PPL: variants seen among roughly 807,000 people sequenced by gnomAD.
PPL encodes periplakin, also known as 190 kDa paraneoplastic pemphigus antigen.
A neutral mutation model predicts 194.4 loss-of-function variants in PPL; 198 were observed. That is an observed-to-expected ratio of 1.02 (90% CI 0.91 to 1.15). The LOEUF (loss-of-function observed/expected upper bound fraction) is 1.15, where lower values mean the gene tolerates loss of function less well. Ranked by LOEUF, PPL falls within the 50% of genes most tolerant of loss-of-function variation. The pLI is 0.00. For synonymous variants in PPL, 1,220 were observed against 972.4 expected, an observed-to-expected ratio of 1.25 and a Z score of -4.74; for missense variants, 2,885 against 2,294.8, an observed-to-expected ratio of 1.26 and a Z score of -5.25.
At chr16:4,912,533 T>C (rs1244271720) in intron 1 of PPL, among the ~76,000 whole-genome samples, 1 of 152,278 alleles carries the variant, frequency 6.6e-6, no homozygotes, top group Non-Finnish European at 1.5e-5. Context: ...AGCTTTTGTG[T>C]GAGCAGTCTT....
rs1046195143 is a variant in PPL, at chr16:4,902,976, A to T, written c.318-450T>A. On this transcript the variant is annotated intron_variant, in intron 3 of 21. Transcript: ENST00000345988. This position sits in a 1 kb window ranked among gnomAD's most constrained non-coding sequence, Gnocchi z 4.0. ...AGTGCTGGGATCACAGGCGTGAGCC[A>T]CCGTGCCTGGCCCCACCCACTTTCC... Among the ~76,000 whole-genome samples, 5 of 152,106 alleles carry T rather than the reference A, an allele frequency of 3.3e-5. No individual in the cohort carries two copies. Among genetic ancestry groups the T allele is most frequent in the African/African-American group, 1.2e-4 (5 of 41,424 alleles).
intron 9 of PPL, among the ~76,000 whole-genome samples, chr16:4,896,143 C>G (rs2088422947): frequency 6.6e-6 from 1 of 152,112 alleles, no homozygotes; most frequent in South Asian, 2.1e-4. Context: ...ACTCTTGGTT[C>G]ACTGTCAGCT....
intron 1 of PPL, among the ~76,000 whole-genome samples, chr16:4,936,596 C>T (rs2089301631): frequency 6.6e-6 from 1 of 152,204 alleles, no homozygotes; most frequent in Non-Finnish European, 1.5e-5. Flanking sequence ...GCCCGGTCCT[C>T]CAAAAACTCC....
At chr16:4,920,371 G>GGAAGAAAGAAAGAAAGAAAGAAAGAAA (rs1555523899) in intron 1 of PPL, among the ~76,000 whole-genome samples, 1 of 94,230 alleles carries the variant, frequency 1.1e-5, no homozygotes, top group Non-Finnish European at 2.4e-5. Flanking sequence ...AAGAAAGAAA[G>GGAAGAAAGAAAGAAAGAAAGAAAGAAA]GACACCTCGG....
At chr16:4,908,634 C>T (rs1285718369) in intron 2 of PPL, among the ~76,000 whole-genome samples, 1 of 152,140 alleles carries the variant, frequency 6.6e-6, no homozygotes, top group Non-Finnish European at 1.5e-5. Context: ...ACCTTCCGGG[C>T]TTAAGCGAGC....
chr16:4,884,523 C>T lies in PPL; in HGVS notation c.4132G>A (p.Glu1378Lys), dbSNP rs745650529. The change falls in exon 22 of 22, where the codon GAG becomes AAG. Residue 1378 changes from glutamate (E) to lysine (K), a missense_variant. Physicochemically the swap from Glu to Lys is moderately conservative, Grantham distance 56 (BLOSUM62 1). Transcript: ENST00000345988. This position sits in a 1 kb window ranked among gnomAD's most constrained non-coding sequence, Gnocchi z 5.7. ...ASAFAESIDV[E>K]LRQIDKLRAE... ...CGCAGCTTGTCAATCTGCCGCAGCTCCACATCGATGCTCTCGGCAAAGGCG... is the reference window on the plus strand; with the variant it reads ...CGCAGCTTGTCAATCTGCCGCAGCTTCACATCGATGCTCTCGGCAAAGGCG... 6 of 1,611,698 alleles carry T rather than the reference C, an allele frequency of 3.7e-6. No individual in the cohort carries two copies. Among genetic ancestry groups the T allele is most frequent in the Non-Finnish European group, 5.1e-6 (6 of 1,179,578 alleles).
At chr16:4,916,975 C>T (rs571877081) in intron 1 of PPL, among the ~76,000 whole-genome samples, 1 of 151,932 alleles carries the variant, frequency 6.6e-6, no homozygotes, top group Admixed American at 6.6e-5. Context: ...ACTAAAAGTA[C>T]AAAAAAATTA....
At position 4,934,895 on chromosome 16, in the gene PPL, A is replaced by C. The variant is rs1284761388; in HGVS notation, c.62+2089T>G. Among the ~76,000 whole-genome samples, 8 of 152,272 alleles carry C rather than the reference A, an allele frequency of 5.3e-5. No homozygotes were observed. In the South Asian group the frequency reaches 8.3e-4, roughly 16 times the overall value. On this transcript the variant is annotated intron_variant, in intron 1 of 21. Transcript: ENST00000345988. ...CTAAGGGGAGGGGGCAGAGGGATGC[A>C]CTGGGCTTGGAGACCACCCGGGGAG...
chr16:4,891,711 T>C, intron 16 of PPL, 100 bp downstream of exon 16: 1 of 1,438,618 alleles, frequency 7.0e-7, no homozygotes, highest in Non-Finnish European at 9.3e-7. Flanking sequence ...CTGGGGAGAC[T>C]GGATGCTGGT....
chr16:4,897,543 G>A lies in PPL; in HGVS notation c.972+132C>T, dbSNP rs2088455778. On this transcript the variant is annotated intron_variant, in intron 9 of 21. Transcript: ENST00000345988. ...ACGCCATCAGAAGCATGGGTGCTGG[G>A]GGCCTGGGATGGCTGCCCCGCAAGG... 7 of 655,672 alleles carry A rather than the reference G, an allele frequency of 1.1e-5. No individual in the cohort carries two copies. The South Asian group carries it at 1.1e-4, about 11-fold the overall frequency. The allele number at this position is 655,672 out of a possible 1,614,324, so 40.6% of individuals were successfully genotyped here. A position where few individuals can be genotyped will look rare whatever the true frequency, so the allele number is the denominator to read the frequency against.
At chr16:4,924,497 A>C (rs1034594884) in intron 1 of PPL, among the ~76,000 whole-genome samples, 3 of 152,120 alleles carry the variant, frequency 2.0e-5, no homozygotes, top group African/African-American at 7.2e-5. Context: ...AGCATCTTCC[A>C]GTCTCACTCG....
intron 1 of PPL, among the ~76,000 whole-genome samples, chr16:4,930,594 C>G (rs1023595450): frequency 3.3e-5 from 5 of 152,204 alleles, no homozygotes; most frequent in Admixed American, 2.6e-4. Context: ...GGCAGCCACA[C>G]AGCCACATGT....
intron 6 of PPL, among the ~76,000 whole-genome samples, chr16:4,900,459 A>C (rs1235694922): frequency 1.7e-3 from 33 of 19,866 alleles, no homozygotes; most frequent in Admixed American, 6.3e-3. Flanking sequence ...TTTTTTTTAA[A>C]GGCAGGGTTT....
Position 4,902,085 on chromosome 16 carries a change from G to A in PPL, c.438+321C>T, listed in dbSNP as rs1290241909. 3.3e-5 allele frequency among the ~76,000 whole-genome samples: 5 copies of A among 152,210 alleles called. No individual in the cohort carries two copies. The highest frequency in any genetic ancestry group is 7.2e-5 in the African/African-American group (3 of 41,446). ...GGAGCGACAGGCCAGAAGCCTGGCCGCTTCCGCCCCAGCCTGCCCACAAAA... is the reference window on the plus strand; with the variant it reads ...GGAGCGACAGGCCAGAAGCCTGGCCACTTCCGCCCCAGCCTGCCCACAAAA... On this transcript the variant is annotated intron_variant, in intron 4 of 21. Transcript: ENST00000345988. The surrounding 1 kb of genome is among the most constrained non-coding windows in gnomAD (Gnocchi z 4.0).
intron 1 of PPL, among the ~76,000 whole-genome samples, chr16:4,913,966 G>C (rs898214137): frequency 6.6e-6 from 1 of 152,210 alleles, no homozygotes; most frequent in Non-Finnish European, 1.5e-5. Flanking sequence ...AAACAGTCAC[G>C]AGACTGAGGC....
At chr16:4,923,188 C>T (rs1260529894) in intron 1 of PPL, among the ~76,000 whole-genome samples, 1 of 152,176 alleles carries the variant, frequency 6.6e-6, no homozygotes, top group Non-Finnish European at 1.5e-5. Context: ...TGAGACCTGT[C>T]CCTGCTTCTC....
intron 1 of PPL, 130 bp from the exon 2 acceptor site, chr16:4,911,079 G>A (rs2088811177): frequency 1.4e-6 from 1 of 691,534 alleles, no homozygotes; most frequent in African/African-American, 1.8e-5. Context: ...GAGCCTTTGA[G>A]GTAGTTGGGC....
chr16:4,903,111 C>A lies in PPL; in HGVS notation c.318-585G>T, dbSNP rs147243876. Among the ~76,000 whole-genome samples the A allele has an allele frequency of 3.9e-3, 588 of 152,320 alleles. 5 individuals carry two copies. The highest frequency in any genetic ancestry group is 0.013 in the African/African-American group (560 of 41,564). ...TTGTTTTCTGGAGTCTGCCATCCAG[C>A]AGGGCCCACAGTGTGGTGCATGCCA... is the stretch of plus-strand genomic sequence containing the variant. On this transcript the variant is annotated intron_variant, in intron 3 of 21. Coordinates refer to ENST00000345988, the MANE Select transcript of PPL (RefSeq NM_002705.5).
At chr16:4,910,397 G>C (rs896103945) in intron 2 of PPL, among the ~76,000 whole-genome samples, 2 of 152,172 alleles carry the variant, frequency 1.3e-5, no homozygotes, top group Admixed American at 1.3e-4. Flanking sequence ...TGCTTAGAGA[G>C]AATCTCGTTC....
Sources: allele counts gnomAD v4.1 joint callset (sites outside exome capture counted in the v4.1 genomes callset), GRCh38; gene constraint gnomAD v4.1.1; non-coding constraint Gnocchi (gnomAD v3.1); transcripts MANE v1.5; gene names NCBI Gene and HGNC (gene_info 2026-07-23, HGNC 2026-07-21).